The following CREB5 variants were observed in gnomAD, a reference collection of about 807,000 sequenced individuals.
The protein encoded by CREB5 is cyclic AMP-responsive element-binding protein 5.
Under a neutral mutation model 57.1 loss-of-function variants are expected in CREB5, and 19 were observed. The observed-to-expected ratio is 0.33, with a 90% CI of 0.23 to 0.49. The LOEUF is 0.49. Among genes scored for constraint, CREB5 ranks in the 20% least tolerant of loss-of-function variants. The pLI is 0.99. For synonymous variants in CREB5, 238 were observed against 238.3 expected (o/e 1.00, Z 0.01); for missense variants, 579 against 671.6 (o/e 0.86, Z 1.52).
At chr7:28,635,131 G>A (rs1175182079) in intron 5 of CREB5, among the ~76,000 whole-genome samples, 5 of 152,144 alleles carry the variant, frequency 3.3e-5, no homozygotes, top group Non-Finnish European at 7.4e-5. Flanking sequence ...AGAGAAGCTA[G>A]GAGGCCAAAG....
chr7:28,400,400 T>C (rs1787434148), intron 1 of CREB5, among the ~76,000 whole-genome samples: 1 of 152,202 alleles, frequency 6.6e-6, no homozygotes, highest in African/African-American at 2.4e-5. Flanking sequence ...CAAATAATAG[T>C]GTTCTTTCCT....
chr7:28,818,985 G>A lies in CREB5; in HGVS notation c.1364-131G>A, dbSNP rs1809602260. ...AAAGTTTTGAAATTAACTTTCAGAA[G>A]AAAATGTGTGAAACTTCTATTTCAA... is the stretch of plus-strand genomic sequence containing the variant. On this transcript the variant is annotated intron_variant, in intron 10 of 10. Coordinates refer to ENST00000357727, the MANE Select transcript of CREB5 (RefSeq NM_182898.4). 4 of 1,090,782 alleles carry A rather than the reference G, an allele frequency of 3.7e-6. No individual in the cohort carries two copies. In the Admixed American group the frequency reaches 1.0e-4, roughly 27 times the overall value. 67.6% of individuals were successfully genotyped at this position (1,090,782 alleles called of 1,614,324 possible).
At chr7:28,343,172 C>T (rs1785970562) in intron 1 of CREB5, among the ~76,000 whole-genome samples, 1 of 152,172 alleles carries the variant, frequency 6.6e-6, no homozygotes, top group Admixed American at 6.5e-5. Context: ...GATCTCCTGA[C>T]TTTGTGATCT....
At chr7:28,560,941 CGTGTGTGTGCGTGT>C (rs1380956942) in intron 4 of CREB5, among the ~76,000 whole-genome samples, 3 of 44,658 alleles carry the variant, frequency 6.7e-5, no homozygotes, top group African/African-American at 1.1e-4. Context: ...TGTGTGCGTG[CGTGTGTGTGCGTGT>C]GTGTGCGTGT....
intron 7 of CREB5, among the ~76,000 whole-genome samples, chr7:28,743,779 C>T (rs113706135): frequency 0.014 from 2,080 of 151,598 alleles, 28 homozygotes; most frequent in Non-Finnish European, 0.023. Flanking sequence ...TGGCCAACTT[C>T]CCCCTGTGTC....
chr7:28,449,925 A>G lies in CREB5; in HGVS notation c.3+37008A>G, dbSNP rs1294553240. Among the ~76,000 whole-genome samples the G allele has an allele frequency of 3.3e-5, 5 of 152,282 alleles. No individual in the cohort carries two copies. In the East Asian group the frequency reaches 7.7e-4, roughly 23 times the overall value. ...CCTTTACTTCACAGTGAAATAGTCA[A>G]GTACCACTGAGTTTTCTTAGACTTA... On this transcript the variant is annotated intron_variant, in intron 1 of 10. Transcript: ENST00000357727.
intron 1 of CREB5, among the ~76,000 whole-genome samples, chr7:28,388,524 C>T (rs974715084): frequency 4.6e-5 from 7 of 152,162 alleles, no homozygotes; most frequent in African/African-American, 1.7e-4. Context: ...TATTTGTTTA[C>T]CCTTCCTTTC....
intron 1 of CREB5, among the ~76,000 whole-genome samples, chr7:28,473,653 C>T (rs1461012392): frequency 6.6e-6 from 1 of 152,188 alleles, no homozygotes; most frequent in African/African-American, 2.4e-5. Context: ...GTGGCTTTCC[C>T]AGATGCCTTA....
chr7:28,688,535 G>T (rs1213742822), intron 5 of CREB5, among the ~76,000 whole-genome samples: 6 of 152,144 alleles, frequency 3.9e-5, no homozygotes, highest in Non-Finnish European at 5.9e-5. Flanking sequence ...AACCTTCAAA[G>T]ATCATGAAAA....
At chr7:28,453,254 A>G (rs1181656087) in intron 1 of CREB5, among the ~76,000 whole-genome samples, 1 of 152,154 alleles carries the variant, frequency 6.6e-6, no homozygotes, top group African/African-American at 2.4e-5. Flanking sequence ...TCTGGGCAAC[A>G]TAATAAGACC....
chr7:28,710,554 G>A (rs1802351531), intron 5 of CREB5, among the ~76,000 whole-genome samples: 1 of 152,180 alleles, frequency 6.6e-6, no homozygotes, highest in Non-Finnish European at 1.5e-5. Flanking sequence ...TTAGGAGGCT[G>A]AGGCAGGAGG....
At chr7:28,395,999 C>T (rs535803760) in intron 1 of CREB5, among the ~76,000 whole-genome samples, 1 of 152,276 alleles carries the variant, frequency 6.6e-6, no homozygotes, top group Non-Finnish European at 1.5e-5. Context: ...CAATCATCAG[C>T]TCAATTAAAC....
At chr7:28,596,383 A>G (rs771436166) in intron 5 of CREB5, among the ~76,000 whole-genome samples, 4 of 151,868 alleles carry the variant, frequency 2.6e-5, no homozygotes, top group Non-Finnish European at 5.9e-5. Flanking sequence ...ATTGCATTGC[A>G]TATATTAGAA....
intron 4 of CREB5, among the ~76,000 whole-genome samples, chr7:28,560,893 TGTGCGTGCGCGCGTGCGTGTGC>T (rs1795152385): frequency 4.9e-5 from 1 of 20,468 alleles, no homozygotes; most frequent in African/African-American, 1.9e-4. Context: ...CGTGCGTGTG[TGTGCGTGCGCGCGTGCGTGTGC>T]GTGTGTGCGC....
chr7:28,525,976 A>G (rs938083749), intron 4 of CREB5, among the ~76,000 whole-genome samples: 3 of 152,196 alleles, frequency 2.0e-5, no homozygotes, highest in African/African-American at 7.2e-5. Context: ...CTTTCCCTTC[A>G]CTGGATGTAT....
At chr7:28,667,105 T>C in intron 5 of CREB5, among the ~76,000 whole-genome samples, 1 of 151,890 alleles carries the variant, frequency 6.6e-6, no homozygotes, top group East Asian at 1.9e-4. Flanking sequence ...ATGTAGAAAA[T>C]TCTGTCTGAC....
intron 1 of CREB5, among the ~76,000 whole-genome samples, chr7:28,388,220 A>G (rs1171610321): frequency 1.3e-5 from 2 of 152,350 alleles, no homozygotes; most frequent in Admixed American, 1.3e-4. Flanking sequence ...GTATCAATTT[A>G]ATGCCAGACC....
At chr7:28,588,722 C>A (rs1043776841) in intron 5 of CREB5, among the ~76,000 whole-genome samples, 1 of 152,222 alleles carries the variant, frequency 6.6e-6, no homozygotes, top group Non-Finnish European at 1.5e-5. Context: ...TCATTTGCAG[C>A]TCTGCCTATG....
intron 5 of CREB5, among the ~76,000 whole-genome samples, chr7:28,640,445 A>G (rs963581341): frequency 2.6e-5 from 4 of 152,212 alleles, no homozygotes; most frequent in African/African-American, 9.6e-5. Flanking sequence ...ACAACTAACA[A>G]AAGTATAGCT....
Sources: allele counts gnomAD v4.1 joint callset (sites outside exome capture counted in the v4.1 genomes callset), GRCh38; gene constraint gnomAD v4.1.1; transcripts MANE v1.5; gene names NCBI Gene and HGNC (gene_info 2026-07-23, HGNC 2026-07-21).